MYRIP: variants seen among roughly 807,000 people sequenced by gnomAD.
MYRIP encodes rab effector MyRIP.
In MYRIP, 49 loss-of-function variants were observed where a neutral mutation model predicts 98.0. The observed-to-expected ratio is 0.50, with a 90% confidence interval of 0.40 to 0.63. The LOEUF (loss-of-function observed/expected upper bound fraction) is 0.63, where lower values mean the gene tolerates loss of function less well. Ranked by LOEUF, MYRIP falls within the 30% of genes least tolerant of loss-of-function variation. The pLI is 0.00. For synonymous variants in MYRIP, 404 were observed against 409.5 expected (o/e 0.99, Z 0.16); for missense variants, 1,004 against 1,058.2 (o/e 0.95, Z 0.71).
intron 3 of MYRIP, among the ~76,000 whole-genome samples, chr3:40,103,556 C>T (rs918733909): frequency 3.9e-5 from 6 of 152,156 alleles, no homozygotes; most frequent in African/African-American, 7.2e-5. Context: ...GTCAGGAGCT[C>T]GAGACCAGCC....
At chr3:39,826,311 T>A (rs1941265778) in intron 1 of MYRIP, among the ~76,000 whole-genome samples, 1 of 152,114 alleles carries the variant, frequency 6.6e-6, no homozygotes, top group African/African-American at 2.4e-5. Context: ...TGCTATGAAC[T>A]TGAGTCTTTA....
chr3:40,001,850 G>A (rs1946526162), intron 2 of MYRIP, among the ~76,000 whole-genome samples: 2 of 152,174 alleles, frequency 1.3e-5, no homozygotes, highest in Admixed American at 6.5e-5. Flanking sequence ...GGAACAGGCA[G>A]ATTCAAAAGA....
At chr3:40,012,804 C>T (rs927850591) in intron 2 of MYRIP, among the ~76,000 whole-genome samples, 9 of 152,288 alleles carry the variant, frequency 5.9e-5, no homozygotes, top group African/African-American at 2.2e-4. Flanking sequence ...AGGACTGGAA[C>T]TGAATTACCC....
intron 2 of MYRIP, among the ~76,000 whole-genome samples, chr3:40,032,095 G>A (rs1378491800): frequency 3.3e-5 from 5 of 151,712 alleles, no homozygotes; most frequent in African/African-American, 7.3e-5. Flanking sequence ...TGTCCATTTT[G>A]GATCTTTCCT....
chr3:39,925,435 G>T (rs1386273447), intron 2 of MYRIP, among the ~76,000 whole-genome samples: 1 of 151,956 alleles, frequency 6.6e-6, no homozygotes, highest in East Asian at 1.9e-4. Flanking sequence ...CCATCACCCA[G>T]GTAGTGAGCA....
At chr3:40,063,669 T>C (rs1948067584) in intron 3 of MYRIP, among the ~76,000 whole-genome samples, 1 of 152,234 alleles carries the variant, frequency 6.6e-6, no homozygotes, top group South Asian at 2.1e-4. Flanking sequence ...ATGACAGTTA[T>C]GTTGGGGGAA....
At chr3:40,203,958 T>TATATATTATATATATTATATATA (rs1951673880) in intron 10 of MYRIP, among the ~76,000 whole-genome samples, 1 of 686 alleles carries the variant, frequency 1.5e-3, no homozygotes, top group African/African-American at 5.1e-3. Context: ...TATTATATAT[T>TATATATTATATATATTATATATA]ATATACATTA....
At chr3:39,888,562 A>G (rs1281689819) in intron 1 of MYRIP, among the ~76,000 whole-genome samples, 4 of 152,222 alleles carry the variant, frequency 2.6e-5, no homozygotes. Flanking sequence ...GTTAGACCTA[A>G]AACCATAAAA....
chr3:40,102,923 G>A (rs965833101), intron 3 of MYRIP, among the ~76,000 whole-genome samples: 33 of 151,826 alleles, frequency 2.2e-4, no homozygotes, highest in African/African-American at 7.0e-4. Context: ...CCCCTTCTAC[G>A]GGCCAAGCAC....
chr3:39,844,010 C>T (rs1299342416), intron 1 of MYRIP, among the ~76,000 whole-genome samples: 1 of 152,178 alleles, frequency 6.6e-6, no homozygotes, highest in East Asian at 1.9e-4. Flanking sequence ...GCTGAGAGAC[C>T]TCCACAGATG....
chr3:39,949,093 G>C (rs1418883904), intron 2 of MYRIP, among the ~76,000 whole-genome samples: 1 of 152,146 alleles, frequency 6.6e-6, no homozygotes, highest in African/African-American at 2.4e-5. Context: ...GAATACAAAA[G>C]ATGCCTTCAT....
At chr3:39,961,787 G>A (rs1221218590) in intron 2 of MYRIP, among the ~76,000 whole-genome samples, 1 of 151,968 alleles carries the variant, frequency 6.6e-6, no homozygotes, top group Non-Finnish European at 1.5e-5. Flanking sequence ...ATTTTGTTTT[G>A]AGATATCTGC....
At chr3:40,226,262 C>G (rs560892944) in intron 11 of MYRIP, among the ~76,000 whole-genome samples, 2 of 151,954 alleles carry the variant, frequency 1.3e-5, no homozygotes, top group East Asian at 1.9e-4. Flanking sequence ...CCTAGTGAAC[C>G]CTTCCTTCTC....
At chr3:39,984,938 A>C (rs1480095681) in intron 2 of MYRIP, among the ~76,000 whole-genome samples, 1 of 150,990 alleles carries the variant, frequency 6.6e-6, no homozygotes. Flanking sequence ...GTGAGATGGT[A>C]TCTCATTGTG....
intron 1 of MYRIP, among the ~76,000 whole-genome samples, chr3:39,856,336 C>T (rs1281359062): frequency 6.6e-6 from 1 of 152,218 alleles, no homozygotes; most frequent in Non-Finnish European, 1.5e-5. Flanking sequence ...TGCACATTAG[C>T]CCTGCCTTCT....
rs544171678 is a variant in MYRIP, at chr3:40,233,987, G to A, written c.2034G>A (p.Lys678=). 2 of 1,613,468 alleles carry A rather than the reference G, an allele frequency of 1.2e-6. No homozygotes were observed. The highest frequency in any genetic ancestry group is 4.5e-5 in the East Asian group (2 of 44,856). ...CACAAGTCCCTCCTGACAGACAGAA[G>A]GGGATGTTTCCTCGTGGGACAGACC... ...ESPQVPPDRQ[K]GMFPRGTDQV... Residue 678 remains lysine (K), a synonymous_variant, in exon 12 of 17, where the codon AAG becomes AAA. Coordinates refer to ENST00000302541, the MANE Select transcript of MYRIP (RefSeq NM_015460.4).
intron 2 of MYRIP, among the ~76,000 whole-genome samples, chr3:40,026,291 C>T (rs1947125812): frequency 6.6e-6 from 1 of 152,156 alleles, no homozygotes. Context: ...ACCCCGCAGG[C>T]AGTCAGACCG....
At chr3:39,831,056 C>A (rs991778769) in intron 1 of MYRIP, among the ~76,000 whole-genome samples, 5 of 152,150 alleles carry the variant, frequency 3.3e-5, no homozygotes, top group African/African-American at 4.8e-5. Context: ...ATCTGTTAAT[C>A]CTACTTGATG....
chr3:40,186,394 G>C (rs1951035599), intron 9 of MYRIP, among the ~76,000 whole-genome samples: 2 of 152,122 alleles, frequency 1.3e-5, no homozygotes, highest in Admixed American at 1.3e-4. Flanking sequence ...CACAGGGAGG[G>C]GAGTAGAAAT....
Sources: gnomAD v4.1 joint callset for allele counts (sites outside exome capture counted in the v4.1 genomes callset) on GRCh38, gnomAD v4.1.1 for gene constraint, MANE v1.5 for transcripts, NCBI Gene and HGNC (gene_info 2026-07-23, HGNC 2026-07-21) for gene names.